Variants in OBSL1 observed in about 807,000 individuals in gnomAD.
The protein encoded by OBSL1 is obscurin like cytoskeletal adaptor 1.
OBSL1 carries 160 observed loss-of-function variants against 172.0 expected under a neutral mutation model. That is an observed-to-expected ratio of 0.93 (90% CI 0.82 to 1.06). OBSL1 has a LOEUF of 1.06. OBSL1 is among the 50% of genes least tolerant of loss of function. The pLI, the probability that OBSL1 is intolerant of heterozygous loss-of-function variation, is 0.00. For missense variants in OBSL1, 2,681 were observed against 2,715.4 expected, an observed-to-expected ratio of 0.99 and a Z score of 0.28; for synonymous variants, 1,200 against 1,196.3, an observed-to-expected ratio of 1.00 and a Z score of -0.06.
At chr2:219,561,598 C>G in intron 8 of OBSL1, 1 of 461,040 alleles carries the variant, frequency 2.2e-6, no homozygotes, top group Non-Finnish European at 4.0e-6. Context: ...GCGGCCGTGT[C>G]TGCGTGCTGC....
Position 219,552,680 on chromosome 2 carries a change from G to C in OBSL1, c.5164C>G (p.Leu1722Val). The change falls in exon 18 of 21, where the codon CTC becomes GTC. Residue 1722 changes from leucine (L) to valine (V), a missense_variant. This residue lies in a region of OBSL1 where 1,765 missense variants were observed against 1,748.3 expected (regional missense o/e 1.01). Transcript: ENST00000404537. ...LTVRERTVAV[L>V]SELRSVSARE... is the part of the protein sequence containing the mutation. ...GCGCTCACCGACCGCAGCTCGGAGA[G>C]TACCGCCACAGTACGCTCTGGGGCG... 2 of 1,534,734 alleles carry C rather than the reference G, an allele frequency of 1.3e-6. No homozygotes were observed. Among genetic ancestry groups the C allele is most frequent in the Non-Finnish European group, 1.7e-6 (2 of 1,143,902 alleles).
At position 219,570,229 on chromosome 2, in the gene OBSL1, T is replaced by C; in HGVS notation, c.1004A>G (p.His335Arg). 1 of 1,558,128 alleles carries C rather than the reference T, an allele frequency of 6.4e-7. No homozygotes were observed. Among genetic ancestry groups the C allele is most frequent in the Non-Finnish European group, 8.7e-7 (1 of 1,150,342 alleles). Reference protein sequence around the residue: ...AGQTLSAVQLHVKEPRLRFTR... With the variant: ...AGQTLSAVQLRVKEPRLRFTR... ...CCCGGGCTCCGCCGTACCTTTCACG[T>C]GCAGCTGCACGGCACTGAGCGTCTG... Residue 335 changes from histidine (H) to arginine (R), a missense_variant, in exon 1 of 21, where the codon CAC becomes CGC. Transcript: ENST00000404537.
rs767564659 is a variant in OBSL1 at position 219,570,444 on chromosome 2, G to C, written c.789C>G (p.Ala263=). 1 of 1,613,192 alleles carries C rather than the reference G, an allele frequency of 6.2e-7. No individual in the cohort carries two copies. Among genetic ancestry groups the C allele is most frequent in the South Asian group, 1.1e-5 (1 of 91,082 alleles). ...TGCCCATCACGTAGCAGCGGAACTT[G>C]GCGTGCTTGCCCTCGTTCACCCAGA... The part of the protein sequence containing the change: ...KTFWVNEGKH[A]KFRCYVMGKP... Residue 263 remains alanine, a synonymous_variant, in exon 1 of 21, where the codon GCC becomes GCG. Transcript: ENST00000404537.
Position 219,556,565 on chromosome 2 carries a change from G to C in OBSL1, c.4225C>G (p.Gln1409Glu), listed in dbSNP as rs781264686. 6 of 1,613,910 alleles carry C rather than the reference G, an allele frequency of 3.7e-6. No homozygotes were observed. Among genetic ancestry groups the C allele is most frequent in the Non-Finnish European group, 5.1e-6 (6 of 1,179,882 alleles). Residue 1409 changes from glutamine to glutamate, a missense_variant, in exon 13 of 21, where the codon CAG becomes GAG. Physicochemically the swap from Gln to Glu is conservative, Grantham distance 29 (BLOSUM62 2). This residue lies in a region of OBSL1 where 1,765 missense variants were observed against 1,748.3 expected (regional missense o/e 1.01). Transcript: ENST00000404537. ...GTTAAGATGCGGCTTGAACCATTCT[G>C]GGCCATCTCCACCTGGGGCCCTGGA... is the stretch of plus-strand genomic sequence containing the variant. ...VTPGPQVEMAQNGSSRILTLR... is the reference protein window; with the variant it reads ...VTPGPQVEMAENGSSRILTLR...
chr2:219,547,930 G>A (rs549176218), downstream of OBSL1: 3 of 1,595,416 alleles, frequency 1.9e-6, no homozygotes, highest in African/African-American at 4.0e-5. Context: ...TGCTACTGCT[G>A]GGGCGCTACG....
At chr2:219,556,420 G>C (rs374522619) in intron 13 of OBSL1, 34 bp downstream of exon 13, 3 of 1,611,418 alleles carry the variant, frequency 1.9e-6, no homozygotes, top group Non-Finnish European at 2.5e-6. Flanking sequence ...ACAGGCACGG[G>C]ACACAGAGTA....
chr2:219,565,009 A>G (rs1003613374), intron 6 of OBSL1, among the ~76,000 whole-genome samples: 2 of 152,054 alleles, frequency 1.3e-5, no homozygotes, highest in African/African-American at 2.4e-5. Flanking sequence ...GGAGGTTGCA[A>G]TGAGCTGAGA....
intron 9 of OBSL1, 109 bp from the exon 10 acceptor site, chr2:219,558,568 G>T: frequency 7.8e-7 from 1 of 1,283,346 alleles, no homozygotes; most frequent in Non-Finnish European, 1.0e-6. Context: ...CTTGAGAACA[G>T]TGCCAGCTGC....
Position 219,552,564 on chromosome 2 carries a change from G to A in OBSL1, c.5280C>T (p.Pro1760=), listed in dbSNP as rs373081802. Residue 1760 remains proline (P), a synonymous_variant, in exon 18 of 21, where the codon CCC becomes CCT. Transcript: ENST00000404537. ...RWELGGRPLR[P]GARVRIRQEG... Reference sequence around the variant, plus strand: ...CCTGTCGGATGCGGACGCGGGCTCCGGGTCTCAGCGGGCGGCCTCCGAGCT... The same window carrying A: ...CCTGTCGGATGCGGACGCGGGCTCCAGGTCTCAGCGGGCGGCCTCCGAGCT... 1,183 of 1,595,674 alleles carry A rather than the reference G, an allele frequency of 7.4e-4. 4 individuals are homozygous for A. In the African/African-American group the frequency reaches 0.014, roughly 19 times the overall value.
downstream of OBSL1, among the ~76,000 whole-genome samples, chr2:219,549,508 C>T (rs370965237): frequency 6.6e-5 from 10 of 152,156 alleles, no homozygotes; most frequent in East Asian, 1.2e-3. Context: ...GCACCAGGGG[C>T]TTGGCGGGTC....
chr2:219,549,461 T>C, downstream of OBSL1: 4 of 1,390,534 alleles, frequency 2.9e-6, no homozygotes, highest in Non-Finnish European at 2.9e-6. Flanking sequence ...GAAGGCCTGT[T>C]TGTCCATGAA....
At chr2:219,562,005 G>T in intron 8 of OBSL1, 1 of 717,628 alleles carries the variant, frequency 1.4e-6, no homozygotes, top group Non-Finnish European at 2.6e-6. Context: ...ACTTTGGTAA[G>T]ACTCTGCAGA....
rs2106118005 is a variant in OBSL1, at chr2:219,570,874, G to A, written c.359C>T (p.Ser120Leu). 8.6e-6 allele frequency: 12 copies of A among 1,388,210 alleles called. No homozygotes were observed. Among genetic ancestry groups the A allele is most frequent in the Non-Finnish European group, 1.1e-5 (12 of 1,072,892 alleles). The allele number at this position is 1,388,210 out of a possible 1,614,324, so 86.0% of individuals were successfully genotyped here. Residue 120 changes from serine to leucine, a missense_variant, in exon 1 of 21, where the codon TCG becomes TTG. Ser to Leu is a moderately radical substitution (Grantham distance 145). Coordinates refer to ENST00000404537, the MANE Select transcript of OBSL1 (RefSeq NM_015311.3). Reference protein sequence around the residue: ...ELQPAERPLPSPGSGEGAPVF... With the variant: ...ELQPAERPLPLPGSGEGAPVF... ...CGGGGCGCCCTCCCCGGACCCCGGC[G>A]ATGGCAGCGGGCGCTCGGCGGGCTG...
At chr2:219,548,561 G>A (rs1226058801), downstream of OBSL1, among the ~76,000 whole-genome samples, 1 of 152,228 alleles carries the variant, frequency 6.6e-6, no homozygotes, top group African/African-American at 2.4e-5. Context: ...TAGAGAAGAG[G>A]GAACAGCAAG....
At position 219,550,847 on chromosome 2, in the gene OBSL1, A is replaced by G. The variant is rs1352824771; in HGVS notation, c.5684-5T>C. The G allele has an allele frequency of 1.2e-6, 2 of 1,609,600 alleles. No individual in the cohort carries two copies. Among genetic ancestry groups the G allele is most frequent in the African/African-American group, 1.3e-5 (1 of 74,290 alleles). On this transcript the variant is annotated splice_region_variant and splice_polypyrimidine_tract_variant and intron_variant, in intron 20 of 20. Coordinates refer to ENST00000404537, the MANE Select transcript of OBSL1 (RefSeq NM_015311.3). ...TGGTTAGGTTCTCCTAGTTGCCTGC[A>G]GAGGAATGACTCCACATGGGGCTGG...
rs1695584146 is a variant in OBSL1, at chr2:219,551,124, G to A, written c.5684-282C>T. On this transcript the variant is annotated intron_variant, in intron 20 of 20. Coordinates refer to ENST00000404537, the MANE Select transcript of OBSL1 (RefSeq NM_015311.3). ...AGAGGCTTCTGCCAAGGCTGACATGGAACTTGCTGAGATGGGCAGAGGCAA... is the reference window on the plus strand; with the variant it reads ...AGAGGCTTCTGCCAAGGCTGACATGAAACTTGCTGAGATGGGCAGAGGCAA... The A allele has an allele frequency of 2.1e-6, 3 of 1,401,286 alleles. No individual in the cohort carries two copies. The African/African-American group carries it at 4.3e-5, about 20-fold the overall frequency. The allele number at this position is 1,401,286 out of a possible 1,614,324, so 86.8% of individuals were successfully genotyped here. A position where few individuals can be genotyped will look rare whatever the true frequency, so the allele number is the denominator to read the frequency against.
In OBSL1 at chr2:219,557,987, T is replaced by C. The variant is rs765882902; in HGVS notation, c.3626A>G (p.Asn1209Ser). 61 of 1,611,560 alleles carry C rather than the reference T, an allele frequency of 3.8e-5. No homozygotes were observed. The highest frequency in any genetic ancestry group is 2.9e-4 in the South Asian group (26 of 90,910). Reference protein sequence around the residue: ...RAGAPVVWSHNGRPVQEGEGL... With the variant: ...RAGAPVVWSHSGRPVQEGEGL... The stretch of plus-strand genomic sequence containing the variant: ...CTCGCCCTCCTGCACGGGCCTCCCA[T>C]TGTGGCTCCAGACCACGGGGGCGCC... The change falls in exon 11 of 21, where the codon AAT becomes AGT. Residue 1209 changes from asparagine (N) to serine (S), a missense_variant. Asn to Ser is a conservative substitution (Grantham distance 46). Transcript: ENST00000404537.
At chr2:219,565,726 G>A (rs1419929169) in intron 5 of OBSL1, among the ~76,000 whole-genome samples, 1 of 152,154 alleles carries the variant, frequency 6.6e-6, no homozygotes, top group African/African-American at 2.4e-5. Flanking sequence ...AGCACGCAGG[G>A]GCCAGGAAAT....
intron 17 of OBSL1, 72 bp downstream of exon 17, chr2:219,552,796 G>C: frequency 6.6e-7 from 1 of 1,523,240 alleles, no homozygotes; most frequent in Non-Finnish European, 8.8e-7. Flanking sequence ...CGGTCATCAG[G>C]GTCCGGGGAA....
Sources: allele counts gnomAD v4.1 joint callset (sites outside exome capture counted in the v4.1 genomes callset), GRCh38; gene constraint gnomAD v4.1.1; regional missense constraint gnomAD v4.1.1; transcripts MANE v1.5; gene names NCBI Gene and HGNC (gene_info 2026-07-23, HGNC 2026-07-21).